The following USH2A variants were observed in gnomAD, a reference collection of about 807,000 sequenced individuals.
USH2A encodes the protein Usher syndrome 2A (autosomal recessive, mild).
USH2A carries 443 observed loss-of-function variants against 538.9 expected under a neutral mutation model. The observed-to-expected ratio is 0.82, with a 90% CI of 0.76 to 0.89. USH2A has a LOEUF of 0.89. Among genes scored for constraint, USH2A ranks in the 40% least tolerant of loss-of-function variants. USH2A has a pLI of 0.00. For missense variants in USH2A, 6,633 were observed against 6,324.8 expected (o/e 1.05, Z -1.65); for synonymous variants, 2,413 against 2,273.5 (o/e 1.06, Z -1.75).
At chr1:216,415,523 T>TATTA (rs1425315144) in intron 3 of USH2A, among the ~76,000 whole-genome samples, 1 of 148,006 alleles carries the variant, frequency 6.8e-6, no homozygotes, top group African/African-American at 2.5e-5. Flanking sequence ...TTTTTTTTTT[T>TATTA]TTTTTTTTTT....
intron 13 of USH2A, among the ~76,000 whole-genome samples, chr1:216,244,808 T>C (rs1427085374): frequency 6.6e-6 from 1 of 152,194 alleles, no homozygotes; most frequent in African/African-American, 2.4e-5. Flanking sequence ...TTTGTAACTA[T>C]GATTTCAGAG....
rs371532029 is a variant in USH2A, at chr1:215,948,309, T to C, written c.7121-13514A>G. Among the ~76,000 whole-genome samples, 16 of 151,934 alleles carry C rather than the reference T, an allele frequency of 1.1e-4. No homozygotes were observed. In the East Asian group the frequency reaches 2.7e-3, roughly 26 times the overall value. ...CAAAAGAATTTTTTTTTATTATAAA[T>C]GTTAAGGCTATATCAGCAACCATAA... On this transcript the variant is annotated intron_variant, in intron 37 of 71. Coordinates refer to ENST00000307340, the MANE Select transcript of USH2A (RefSeq NM_206933.4).
chr1:216,258,595 C>T (rs1048176312), intron 11 of USH2A, among the ~76,000 whole-genome samples: 1 of 152,040 alleles, frequency 6.6e-6, no homozygotes, highest in African/African-American at 2.4e-5. Flanking sequence ...ACTCTCTGAG[C>T]TCCATCTGGG....
chr1:215,934,661 C>G lies in USH2A; in HGVS notation c.7255G>C (p.Gly2419Arg). ...TVQVNISNSQ[G>R]SLITDPITIA... ...GTTATAGGATCAGTTATCAAGCTGC[C>G]TTGGCTATTTGAAATATTCACTTGT... The change falls in exon 38 of 72, where the codon GGC becomes CGC. Residue 2419 changes from glycine (G) to arginine (R), a missense_variant. Physicochemically the swap from Gly to Arg is moderately radical, Grantham distance 125 (BLOSUM62 -2). Coordinates refer to ENST00000307340, the MANE Select transcript of USH2A (RefSeq NM_206933.4). The G allele has an allele frequency of 6.2e-7, 1 of 1,612,702 alleles. No homozygotes were observed. Among genetic ancestry groups the G allele is most frequent in the South Asian group, 1.1e-5 (1 of 91,046 alleles).
Position 215,779,915 on chromosome 1 carries a change from A to G in USH2A, c.10867T>C (p.Tyr3623His), listed in dbSNP as rs1440261810. The change falls in exon 55 of 72, where the codon TAC becomes CAC. Residue 3623 changes from tyrosine (Y) to histidine (H), a missense_variant. By Grantham distance (83) the Tyr-to-His change is moderately conservative. Transcript: ENST00000307340. ...PEKSNGVIKE[Y>H]QIRQVGKGLI... is the part of the protein sequence containing the mutation. ...CCTTTCCCAACCTGCCTGATCTGGTACTCTTTAATGACGCCGTTTGATTTC... is the reference window on the plus strand; with the variant it reads ...CCTTTCCCAACCTGCCTGATCTGGTGCTCTTTAATGACGCCGTTTGATTTC... 1 of 1,613,740 alleles carries G rather than the reference A, an allele frequency of 6.2e-7. No individual in the cohort carries two copies. Among genetic ancestry groups the G allele is most frequent in the African/African-American group, 1.3e-5 (1 of 74,808 alleles).
At chr1:215,844,140 G>C (rs1273814300) in intron 46 of USH2A, among the ~76,000 whole-genome samples, 154 bp downstream of exon 46, 1 of 152,140 alleles carries the variant, frequency 6.6e-6, no homozygotes, top group African/African-American at 2.4e-5. Flanking sequence ...ACAGCACACA[G>C]ATTTAATTCT....
intron 61 of USH2A, among the ~76,000 whole-genome samples, chr1:215,713,186 A>C (rs973629177): frequency 1.3e-5 from 2 of 152,158 alleles, no homozygotes; most frequent in Non-Finnish European, 2.9e-5. Flanking sequence ...TGACACCATG[A>C]TATCTTCATG....
chr1:215,996,211 C>G (rs977529457), intron 34 of USH2A, among the ~76,000 whole-genome samples: 1 of 152,112 alleles, frequency 6.6e-6, no homozygotes, highest in African/African-American at 2.4e-5. Context: ...GTGCCCGGAC[C>G]AAAACTAGCA....
intron 55 of USH2A, among the ~76,000 whole-genome samples, chr1:215,770,795 T>C (rs996958325): frequency 2.6e-5 from 4 of 151,836 alleles, no homozygotes; most frequent in African/African-American, 9.7e-5. Flanking sequence ...AAAGTACCTA[T>C]GATCACAGAC....
At chr1:215,798,380 T>C (rs369199552) in intron 50 of USH2A, among the ~76,000 whole-genome samples, 1 of 152,208 alleles carries the variant, frequency 6.6e-6, no homozygotes, top group Admixed American at 6.5e-5. Context: ...ATATCTAATG[T>C]CTGAACTTCA....
intron 4 of USH2A, among the ~76,000 whole-genome samples, chr1:216,331,380 T>A (rs557502653): frequency 1.2e-4 from 19 of 152,198 alleles, no homozygotes; most frequent in Middle Eastern, 6.8e-3. Flanking sequence ...AAGAAAGACC[T>A]CATAGCTGTC....
chr1:215,728,404 G>A lies in USH2A; in HGVS notation c.11712-20C>T, dbSNP rs1470263075. ...GGGCGTCTGAAAGGAAACCAAGCAG[G>A]CAACCAGTGACAGCTGCACACTTCA... On this transcript the variant is annotated intron_variant, in intron 60 of 71. Transcript: ENST00000307340. The A allele has an allele frequency of 6.2e-7, 1 of 1,611,054 alleles. No homozygotes were observed. The highest frequency in any genetic ancestry group is 2.2e-5 in the East Asian group (1 of 44,868).
intron 32 of USH2A, among the ~76,000 whole-genome samples, chr1:216,022,788 C>A (rs79217350): frequency 6.6e-6 from 1 of 152,064 alleles, no homozygotes; most frequent in Non-Finnish European, 1.5e-5. Context: ...ACTCACCTGA[C>A]GAGGAATATC....
At chr1:216,068,652 CAG>C (rs1374884002) in intron 30 of USH2A, among the ~76,000 whole-genome samples, 1 of 152,036 alleles carries the variant, frequency 6.6e-6, no homozygotes, top group Non-Finnish European at 1.5e-5. Context: ...CAGAAAGAGT[CAG>C]GGTCCAGAGG....
chr1:216,251,973 T>C (rs2036172649), intron 11 of USH2A, among the ~76,000 whole-genome samples: 2 of 152,218 alleles, frequency 1.3e-5, no homozygotes, highest in Non-Finnish European at 2.9e-5. Context: ...TTTCAGCCTA[T>C]TTATGATTCA....
intron 58 of USH2A, among the ~76,000 whole-genome samples, chr1:215,747,003 A>G (rs1399614787): frequency 6.6e-6 from 1 of 152,192 alleles, no homozygotes; most frequent in Non-Finnish European, 1.5e-5. Context: ...ATGTATGGTG[A>G]GTGATTAGAA....
intron 3 of USH2A, among the ~76,000 whole-genome samples, chr1:216,414,307 A>G (rs944320136): frequency 5.9e-5 from 9 of 152,144 alleles, no homozygotes; most frequent in African/African-American, 2.2e-4. Context: ...ATTCAAGTCC[A>G]TAAATGAATA....
intron 49 of USH2A, among the ~76,000 whole-genome samples, chr1:215,805,815 G>GA (rs988379391): frequency 6.7e-6 from 1 of 148,878 alleles, no homozygotes; most frequent in Non-Finnish European, 1.5e-5. Context: ...CAGAAAAAAA[G>GA]AAAAAAAATT....
At chr1:216,351,839 C>CA (rs368599423) in intron 4 of USH2A, among the ~76,000 whole-genome samples, 3,279 of 139,374 alleles carry the variant, frequency 0.024, 108 homozygotes, top group African/African-American at 0.079. Flanking sequence ...TTTTGCAAAA[C>CA]AAAAAAAAAA....
Sources: gnomAD v4.1 joint callset for allele counts (sites outside exome capture counted in the v4.1 genomes callset) on GRCh38, gnomAD v4.1.1 for gene constraint, MANE v1.5 for transcripts, NCBI Gene and HGNC (gene_info 2026-07-23, HGNC 2026-07-21) for gene names.